Variants in SHC4 observed in about 807,000 individuals in gnomAD.
SHC4 encodes the protein SHC adaptor protein 4, also known as SHC-transforming protein 4.
In SHC4, 41 loss-of-function variants were observed where a neutral mutation model predicts 69.4. That is an observed-to-expected ratio of 0.59 (90% CI 0.46 to 0.77). The LOEUF (loss-of-function observed/expected upper bound fraction) is 0.77. SHC4 is among the 30% of genes least tolerant of loss of function. The probability of loss-of-function intolerance (pLI) is 0.00; values close to 1 mark genes in which losing one functional copy is unlikely to be tolerated. For missense variants in SHC4, 777 were observed against 783.8 expected, an observed-to-expected ratio of 0.99 and a Z score of 0.10; for synonymous variants, 318 against 299.3, an observed-to-expected ratio of 1.06 and a Z score of -0.64.
chr15:48,934,720 A>G (rs1901035783), intron 1 of SHC4, among the ~76,000 whole-genome samples: 1 of 152,242 alleles, frequency 6.6e-6, no homozygotes, highest in Admixed American at 6.6e-5. Context: ...TGATGAATGG[A>G]CAAATAAAAG....
chr15:48,956,902 T>C (rs913870061), intron 1 of SHC4, among the ~76,000 whole-genome samples: 6 of 152,024 alleles, frequency 3.9e-5, no homozygotes, highest in Non-Finnish European at 8.8e-5. Context: ...ACCTGGAGTC[T>C]CAGGATTTTA....
intron 1 of SHC4, among the ~76,000 whole-genome samples, chr15:48,943,122 A>G (rs557712817): frequency 6.6e-6 from 1 of 152,336 alleles, no homozygotes; most frequent in South Asian, 2.1e-4. Flanking sequence ...AACACCCAAC[A>G]TCTACTCCCT....
chr15:48,942,179 T>TA (rs34923953), intron 1 of SHC4, among the ~76,000 whole-genome samples: 7,345 of 151,990 alleles, frequency 0.048, 1,014 homozygotes, highest in East Asian at 0.43. Context: ...AGTATTTTTT[T>TA]AAAAAAACAA....
intron 1 of SHC4, among the ~76,000 whole-genome samples, chr15:48,959,788 G>T (rs1009887872): frequency 8.5e-5 from 13 of 152,080 alleles, no homozygotes; most frequent in African/African-American, 1.4e-4. Context: ...TTCAAAATTG[G>T]TTCACATCTC....
In SHC4 at chr15:48,962,991, G is replaced by T; in HGVS notation, c.25C>A (p.Leu9Met). Residue 9 changes from leucine (L) to methionine (M), a missense_variant, in exon 1 of 12, where the codon CTG becomes ATG. Physicochemically the swap from Leu to Met is conservative, Grantham distance 15. Coordinates refer to ENST00000332408, the MANE Select transcript of SHC4 (RefSeq NM_203349.4). Reference protein sequence around the residue: MRERGQDSLAGLVLYVGLF... With the variant: MRERGQDSMAGLVLYVGLF... ...CCTACATACAGCACGAGTCCTGCCA[G>T]GCTGTCCTGGCCGCGTTCTCGCATA... 1 of 1,610,182 alleles carries T rather than the reference G, an allele frequency of 6.2e-7. No individual in the cohort carries two copies. Among genetic ancestry groups the T allele is most frequent in the South Asian group, 1.1e-5 (1 of 90,854 alleles).
intron 1 of SHC4, among the ~76,000 whole-genome samples, chr15:48,951,462 GCATTTGT>G (rs1901363450): frequency 2.0e-5 from 3 of 151,962 alleles, no homozygotes; most frequent in Admixed American, 1.3e-4. Flanking sequence ...GCATATCTCT[GCATTTGT>G]CATTCCCCCA....
chr15:48,857,583 C>T (rs190381161), intron 7 of SHC4, 109 bp downstream of exon 7: 3 of 1,022,700 alleles, frequency 2.9e-6, no homozygotes, highest in Non-Finnish European at 3.9e-6. Flanking sequence ...TTTATTAGTT[C>T]ATTTTAAAAT....
intron 3 of SHC4, among the ~76,000 whole-genome samples, chr15:48,886,124 G>A (rs557279621): frequency 6.6e-6 from 1 of 150,736 alleles, no homozygotes; most frequent in African/African-American, 2.4e-5. Context: ...AGGCGTGGTG[G>A]CGCATGCCTG....
intron 2 of SHC4, among the ~76,000 whole-genome samples, chr15:48,901,250 C>T (rs1187494797): frequency 6.6e-6 from 1 of 152,164 alleles, no homozygotes; most frequent in African/African-American, 2.4e-5. Flanking sequence ...TAAAGCAAAC[C>T]GGAAACAAAT....
intron 1 of SHC4, among the ~76,000 whole-genome samples, chr15:48,931,732 A>G (rs1412720020): frequency 1.3e-5 from 2 of 152,160 alleles, no homozygotes; most frequent in Non-Finnish European, 2.9e-5. Flanking sequence ...TGGCAGGCAG[A>G]AAGCGAGAGA....
At chr15:48,895,552 T>C (rs984648547) in intron 2 of SHC4, among the ~76,000 whole-genome samples, 3 of 152,136 alleles carry the variant, frequency 2.0e-5, no homozygotes, top group African/African-American at 7.2e-5. Flanking sequence ...CGGATGCCCC[T>C]GCCCTTCCCC....
chr15:48,920,615 GA>G (rs1293995925), intron 2 of SHC4, among the ~76,000 whole-genome samples: 1 of 152,132 alleles, frequency 6.6e-6, no homozygotes, highest in African/African-American at 2.4e-5. Context: ...AAATGGCTGG[GA>G]AAAGGGGGTA....
intron 8 of SHC4, among the ~76,000 whole-genome samples, chr15:48,853,270 TCTAA>T (rs1465605993): frequency 6.6e-6 from 1 of 152,044 alleles, no homozygotes; most frequent in Non-Finnish European, 1.5e-5. Flanking sequence ...TAGGAATACA[TCTAA>T]CTAAGGAGGT....
intron 1 of SHC4, among the ~76,000 whole-genome samples, chr15:48,949,199 G>A (rs1049220275): frequency 1.5e-4 from 23 of 150,938 alleles, no homozygotes; most frequent in African/African-American, 4.6e-4. Flanking sequence ...GTGAAACTCC[G>A]TCTCTACTAA....
At chr15:48,844,352 C>T (rs1178516721) in intron 9 of SHC4, among the ~76,000 whole-genome samples, 2 of 152,188 alleles carry the variant, frequency 1.3e-5, no homozygotes, top group East Asian at 3.9e-4. Context: ...GCTTCCCATG[C>T]TCTTTAACAA....
intron 4 of SHC4, 68 bp downstream of exon 4, chr15:48,884,180 T>C (rs1448149328): frequency 6.8e-7 from 1 of 1,476,888 alleles, no homozygotes; most frequent in Non-Finnish European, 9.0e-7. Flanking sequence ...ACTTTATTCT[T>C]TTCATTATCC....
intron 2 of SHC4, among the ~76,000 whole-genome samples, chr15:48,902,708 G>T (rs188558703): frequency 6.6e-6 from 1 of 152,064 alleles, no homozygotes; most frequent in African/African-American, 2.4e-5. Context: ...CCTGGTCCCC[G>T]TACCTCAATA....
intron 9 of SHC4, among the ~76,000 whole-genome samples, chr15:48,848,457 T>C (rs1195869048): frequency 6.6e-6 from 1 of 152,214 alleles, no homozygotes; most frequent in Non-Finnish European, 1.5e-5. Flanking sequence ...GAACTTTCTA[T>C]TGTTTTATCT....
intron 6 of SHC4, among the ~76,000 whole-genome samples, chr15:48,861,874 T>C (rs1332015857): frequency 6.6e-6 from 1 of 152,254 alleles, no homozygotes; most frequent in African/African-American, 2.4e-5. Context: ...TTACAACTAT[T>C]ACTAAAGGAT....
Sources: gnomAD v4.1 joint callset for allele counts (sites outside exome capture counted in the v4.1 genomes callset) on GRCh38, gnomAD v4.1.1 for gene constraint, MANE v1.5 for transcripts, NCBI Gene and HGNC (gene_info 2026-07-23, HGNC 2026-07-21) for gene names.